TRPM3: variants seen among roughly 807,000 people sequenced by gnomAD.
TRPM3 encodes transient receptor potential cation channel subfamily M member 3, also known as long transient receptor potential channel 3.
In TRPM3, 77 loss-of-function variants were observed where a neutral mutation model predicts 181.2. The observed-to-expected ratio is 0.42, with a 90% CI of 0.35 to 0.51. TRPM3 has a LOEUF of 0.51. Among genes scored for constraint, TRPM3 ranks in the 20% least tolerant of loss-of-function variants. The pLI, the probability that TRPM3 is intolerant of heterozygous loss-of-function variation, is 0.01. For synonymous variants in TRPM3, 745 were observed against 796.4 expected, an observed-to-expected ratio of 0.94 and a Z score of 1.09; for missense variants, 1,759 against 2,196.7, an observed-to-expected ratio of 0.80 and a Z score of 3.98.
intron 1 of TRPM3, among the ~76,000 whole-genome samples, chr9:71,381,618 A>G (rs1354614742): frequency 6.6e-6 from 1 of 152,150 alleles, no homozygotes; most frequent in Non-Finnish European, 1.5e-5. Context: ...AAACCTATGT[A>G]GCAGCACACC....
chr9:71,424,858 ACT>A (rs1220634823), intron 1 of TRPM3, among the ~76,000 whole-genome samples: 4 of 152,158 alleles, frequency 2.6e-5, no homozygotes, highest in African/African-American at 9.7e-5. Flanking sequence ...CAATGTACAC[ACT>A]GTCTCCATGA....
intron 6 of TRPM3, among the ~76,000 whole-genome samples, chr9:70,796,102 T>G (rs2086948620): frequency 6.6e-6 from 1 of 152,240 alleles, no homozygotes; most frequent in Admixed American, 6.5e-5. Context: ...TGTTGCCTTC[T>G]CAGATGTAAT....
chr9:71,272,453 T>C (rs955329248), intron 1 of TRPM3, among the ~76,000 whole-genome samples: 1 of 152,186 alleles, frequency 6.6e-6, no homozygotes, highest in Admixed American at 6.5e-5. Context: ...ATACCAGGTA[T>C]TGGTATATTC....
chr9:71,197,464 T>G (rs1339001490), intron 1 of TRPM3, among the ~76,000 whole-genome samples: 1 of 152,118 alleles, frequency 6.6e-6, no homozygotes, highest in Admixed American at 6.6e-5. Flanking sequence ...CCACAAGGGT[T>G]GAACTAGTTT....
intron 1 of TRPM3, among the ~76,000 whole-genome samples, chr9:70,916,369 G>T (rs1008361052): frequency 4.6e-5 from 7 of 152,028 alleles, no homozygotes; most frequent in Admixed American, 2.6e-4. Context: ...CTGTAACTAT[G>T]GTATGTAAAC....
chr9:70,917,035 T>C, intron 1 of TRPM3: 7 of 1,579,842 alleles, frequency 4.4e-6, no homozygotes, highest in Non-Finnish European at 2.6e-6. Context: ...GTATAGAGAC[T>C]GGTATGTCGC....
At chr9:71,317,678 TAC>T (rs57633307) in intron 1 of TRPM3, among the ~76,000 whole-genome samples, 108,104 of 148,864 alleles carry the variant, frequency 0.73, 40,745 homozygotes, top group East Asian at 0.83. Context: ...TATATATATA[TAC>T]ACACACACAC....
chr9:70,684,080 T>G (rs56032721), intron 8 of TRPM3, among the ~76,000 whole-genome samples: 20 of 152,326 alleles, frequency 1.3e-4, no homozygotes, highest in Non-Finnish European at 2.2e-4. Context: ...GTTCTGCTGA[T>G]GACTAAAATT....
chr9:70,591,245 C>T (rs767772692), intron 21 of TRPM3, 40 bp from the exon 22 acceptor site: 2 of 1,563,134 alleles, frequency 1.3e-6, no homozygotes, highest in Non-Finnish European at 1.8e-6. Flanking sequence ...CAAGAGAAAA[C>T]CCATATGATT....
chr9:71,169,073 A>G (rs917798425), intron 1 of TRPM3, among the ~76,000 whole-genome samples: 2 of 152,168 alleles, frequency 1.3e-5, no homozygotes, highest in African/African-American at 4.8e-5. Context: ...AGTGGTGAGA[A>G]CTGTGGTCTA....
chr9:70,852,505 C>T (rs1445792828), intron 3 of TRPM3, among the ~76,000 whole-genome samples: 1 of 152,106 alleles, frequency 6.6e-6, no homozygotes, highest in African/African-American at 2.4e-5. Flanking sequence ...GTCCACTTAT[C>T]AAAACAGTGC....
chr9:71,087,139 C>G (rs116991093), intron 1 of TRPM3, among the ~76,000 whole-genome samples: 1 of 151,974 alleles, frequency 6.6e-6, no homozygotes, highest in Non-Finnish European at 1.5e-5. Context: ...AGACCCTCAT[C>G]CCTCAGCAAG....
intron 9 of TRPM3, among the ~76,000 whole-genome samples, chr9:70,661,728 G>T (rs1339864265): frequency 6.6e-6 from 1 of 151,856 alleles, no homozygotes; most frequent in African/African-American, 2.4e-5. Context: ...GGAGGTGAAA[G>T]ATCTCTACCA....
intron 5 of TRPM3, among the ~76,000 whole-genome samples, chr9:70,842,404 G>A (rs1365007573): frequency 2.0e-5 from 3 of 150,648 alleles, no homozygotes; most frequent in African/African-American, 7.4e-5. Flanking sequence ...TTAAAAAATT[G>A]CATATATTGT....
At chr9:71,073,993 C>A (rs1274948786) in intron 1 of TRPM3, among the ~76,000 whole-genome samples, 3 of 152,110 alleles carry the variant, frequency 2.0e-5, no homozygotes, top group Non-Finnish European at 4.4e-5. Flanking sequence ...ATAAAGAATA[C>A]ATCTTTTGAT....
intron 1 of TRPM3, among the ~76,000 whole-genome samples, chr9:71,014,551 T>C (rs1338931572): frequency 2.0e-5 from 3 of 152,148 alleles, no homozygotes; most frequent in African/African-American, 7.2e-5. Flanking sequence ...TGATAGATAT[T>C]AATTACTAAG....
chr9:70,847,533 C>A (rs915676183), intron 3 of TRPM3, among the ~76,000 whole-genome samples: 3 of 152,068 alleles, frequency 2.0e-5, no homozygotes, highest in African/African-American at 7.2e-5. Context: ...CCTGGAAGAC[C>A]TAGAGCATCT....
At chr9:71,390,127 G>T (rs185151759) in intron 1 of TRPM3, among the ~76,000 whole-genome samples, 2 of 152,122 alleles carry the variant, frequency 1.3e-5, no homozygotes, top group African/African-American at 4.8e-5. Flanking sequence ...TGCAGAGATA[G>T]ATAAGATAGA....
chr9:71,165,066 T>G (rs1174869426), intron 1 of TRPM3, among the ~76,000 whole-genome samples: 2 of 152,160 alleles, frequency 1.3e-5, no homozygotes, highest in Admixed American at 6.6e-5. Flanking sequence ...CTGGTCACAG[T>G]GTGCATATGT....
Sources: allele counts gnomAD v4.1 joint callset (sites outside exome capture counted in the v4.1 genomes callset), GRCh38; gene constraint gnomAD v4.1.1; transcripts MANE v1.5; gene names NCBI Gene and HGNC (gene_info 2026-07-23, HGNC 2026-07-21).